SGMS1: variants seen among roughly 807,000 people sequenced by gnomAD.
SGMS1 encodes sphingomyelin synthase 1, also known as phosphatidylcholine:ceramide cholinephosphotransferase 1.
Under a neutral mutation model 46.2 loss-of-function variants are expected in SGMS1, and 13 were observed. The observed-to-expected ratio is 0.28, with a 90% confidence interval of 0.18 to 0.45. The LOEUF (loss-of-function observed/expected upper bound fraction) is 0.45, where lower values mean the gene tolerates loss of function less well. Among genes scored for constraint, SGMS1 ranks in the 20% least tolerant of loss-of-function variants. SGMS1 has a pLI of 1.00. For missense variants in SGMS1, 324 were observed against 519.9 expected, an observed-to-expected ratio of 0.62 and a Z score of 3.66; for synonymous variants, 203 against 187.8, an observed-to-expected ratio of 1.08 and a Z score of -0.66.
At chr10:50,431,956 T>C (rs1387079859) in intron 6 of SGMS1, among the ~76,000 whole-genome samples, 1 of 152,326 alleles carries the variant, frequency 6.6e-6, no homozygotes, top group East Asian at 1.9e-4. Flanking sequence ...CTGTTCTAAA[T>C]TCTAAATTGG....
At chr10:50,471,919 C>T (rs1160089948) in intron 3 of SGMS1, among the ~76,000 whole-genome samples, 6 of 152,222 alleles carry the variant, frequency 3.9e-5, no homozygotes, top group Non-Finnish European at 5.9e-5. Flanking sequence ...GCAAGAGCCA[C>T]ATTATCTCTG....
intron 2 of SGMS1, among the ~76,000 whole-genome samples, chr10:50,587,232 T>G (rs538118817): frequency 2.8e-4 from 17 of 61,130 alleles, no homozygotes; most frequent in African/African-American, 6.8e-4. Flanking sequence ...ATTGGAAAAT[T>G]TTTTTGGAGA....
intron 6 of SGMS1, among the ~76,000 whole-genome samples, chr10:50,381,293 A>G (rs763934045): frequency 3.3e-5 from 5 of 152,150 alleles, no homozygotes; most frequent in African/African-American, 7.2e-5. Context: ...AGAAGAAGAA[A>G]AAAAAAATCC....
chr10:50,455,528 C>CT (rs1197348595), intron 5 of SGMS1, among the ~76,000 whole-genome samples: 1 of 152,172 alleles, frequency 6.6e-6, no homozygotes, highest in African/African-American at 2.4e-5. Context: ...ATTGCAAACT[C>CT]TTTAGTTAGT....
At chr10:50,602,591 G>A (rs1838658978) in intron 1 of SGMS1, among the ~76,000 whole-genome samples, 2 of 152,128 alleles carry the variant, frequency 1.3e-5, no homozygotes, top group African/African-American at 2.4e-5. Flanking sequence ...GCATGAGAGG[G>A]CAATGACTGA....
At chr10:50,346,466 T>C (rs1207919674) in intron 6 of SGMS1, among the ~76,000 whole-genome samples, 1 of 152,132 alleles carries the variant, frequency 6.6e-6, no homozygotes, top group Non-Finnish European at 1.5e-5. Context: ...TATGTTTTTG[T>C]GAAATAATAA....
intron 2 of SGMS1, among the ~76,000 whole-genome samples, chr10:50,583,145 G>T (rs1287654662): frequency 6.6e-6 from 1 of 152,118 alleles, no homozygotes; most frequent in Non-Finnish European, 1.5e-5. Flanking sequence ...GATACAAAGA[G>T]GTTAAGTAAT....
At chr10:50,481,315 AG>A (rs1384302222) in intron 3 of SGMS1, among the ~76,000 whole-genome samples, 1 of 152,130 alleles carries the variant, frequency 6.6e-6, no homozygotes, top group African/African-American at 2.4e-5. Context: ...TCTGCGACAG[AG>A]CTCCCAGAGG....
At chr10:50,336,493 G>A (rs1256648759) in intron 7 of SGMS1, among the ~76,000 whole-genome samples, 2 of 152,050 alleles carry the variant, frequency 1.3e-5, no homozygotes, top group African/African-American at 4.8e-5. Context: ...CAGTCTATGG[G>A]GAACTGCAAA....
intron 6 of SGMS1, among the ~76,000 whole-genome samples, chr10:50,350,198 T>C (rs904467539): frequency 1.3e-5 from 2 of 152,212 alleles, no homozygotes; most frequent in Non-Finnish European, 2.9e-5. Flanking sequence ...ATTTTGCCCC[T>C]GCCCTAGAGA....
Position 50,327,274 on chromosome 10 carries a change from C to A in SGMS1, c.672G>T (p.Leu224=), listed in dbSNP as rs758674134. The change falls in exon 8 of 11, where the codon CTG becomes CTT. Residue 224 remains leucine (L), a synonymous_variant. Coordinates refer to ENST00000361781, the MANE Select transcript of SGMS1 (RefSeq NM_147156.4). ...TTACATACATTGTAATACACCGATA[C>A]AGGTACAGCGTGCCAACTATGCAGA... ...RFFCIVGTLY[L]YRCITMYVTT... is the part of the protein sequence containing the mutation. 1.2e-6 allele frequency: 2 copies of A among 1,611,032 alleles called. No individual in the cohort carries two copies. The highest frequency in any genetic ancestry group is 1.1e-5 in the South Asian group (1 of 89,850).
chr10:50,493,319 A>G (rs1236775149), intron 3 of SGMS1, among the ~76,000 whole-genome samples: 1 of 152,222 alleles, frequency 6.6e-6, no homozygotes, highest in East Asian at 1.9e-4. Context: ...AATTAACTCA[A>G]GATGGATTAA....
At chr10:50,502,007 G>C (rs1437947940) in intron 3 of SGMS1, among the ~76,000 whole-genome samples, 1 of 152,022 alleles carries the variant, frequency 6.6e-6, no homozygotes, top group South Asian at 2.1e-4. Flanking sequence ...TTGAGCAGAG[G>C]GCCTCCCTTG....
intron 3 of SGMS1, among the ~76,000 whole-genome samples, chr10:50,473,396 T>C (rs1041722257): frequency 2.0e-5 from 3 of 152,242 alleles, no homozygotes; most frequent in Non-Finnish European, 4.4e-5. Context: ...AAGGAATTCA[T>C]AGAACAATGA....
At chr10:50,388,151 A>G (rs1292080304) in intron 6 of SGMS1, among the ~76,000 whole-genome samples, 1 of 152,220 alleles carries the variant, frequency 6.6e-6, no homozygotes, top group African/African-American at 2.4e-5. Context: ...AACATACAAT[A>G]TCACTTGAAG....
chr10:50,428,428 G>A (rs1419587219), intron 6 of SGMS1, among the ~76,000 whole-genome samples: 1 of 152,158 alleles, frequency 6.6e-6, no homozygotes, highest in Non-Finnish European at 1.5e-5. Flanking sequence ...TGTAGAGTAG[G>A]AGAGTATAAT....
chr10:50,348,247 T>C (rs182779683), intron 6 of SGMS1, among the ~76,000 whole-genome samples: 168 of 152,262 alleles, frequency 1.1e-3, no homozygotes, highest in African/African-American at 3.8e-3. Flanking sequence ...CTTTGAAAAC[T>C]GGCATAAGAC....
intron 6 of SGMS1, among the ~76,000 whole-genome samples, chr10:50,392,177 C>G (rs1325272799): frequency 8.5e-6 from 1 of 117,802 alleles, no homozygotes; most frequent in Non-Finnish European, 1.8e-5. Flanking sequence ...TACTCTGAAC[C>G]TAAAGTAAAA....
chr10:50,375,785 A>G (rs1848514403), intron 6 of SGMS1, among the ~76,000 whole-genome samples: 1 of 152,204 alleles, frequency 6.6e-6, no homozygotes, highest in Admixed American at 6.5e-5. Context: ...AGACCTCAAA[A>G]CAGCAAAGCA....
Sources: allele counts gnomAD v4.1 joint callset (sites outside exome capture counted in the v4.1 genomes callset), GRCh38; gene constraint gnomAD v4.1.1; transcripts MANE v1.5; gene names NCBI Gene and HGNC (gene_info 2026-07-23, HGNC 2026-07-21).